IL34: variants seen among roughly 807,000 people sequenced by gnomAD.
IL34 encodes interleukin-34.
In IL34, 17 loss-of-function variants were observed where a neutral mutation model predicts 25.3. The ratio of observed to expected loss-of-function variants is 0.67; its 90% CI spans 0.46 to 1.01. The LOEUF is 1.01. Ranked by LOEUF, IL34 falls within the 50% of genes least tolerant of loss-of-function variation. IL34 has a pLI of 0.00. For missense variants in IL34, 368 were observed against 312.9 expected, an observed-to-expected ratio of 1.18 and a Z score of -1.33; for synonymous variants, 174 against 140.9, an observed-to-expected ratio of 1.23 and a Z score of -1.66.
upstream of IL34, among the ~76,000 whole-genome samples, chr16:70,644,485 A>G (rs1472348004): frequency 6.6e-6 from 1 of 152,086 alleles, no homozygotes; most frequent in Non-Finnish European, 1.5e-5. Flanking sequence ...GGGTAGATGG[A>G]AATGTTTTGT....
At chr16:70,614,393 C>T (rs1302015017) in intron 1 of IL34, among the ~76,000 whole-genome samples, 1 of 152,082 alleles carries the variant, frequency 6.6e-6, no homozygotes, top group East Asian at 1.9e-4. Flanking sequence ...TTCATGGGCC[C>T]CTGACCTACT....
chr16:70,627,490 C>G (rs1251044129), intron 1 of IL34, among the ~76,000 whole-genome samples: 10 of 118,180 alleles, frequency 8.5e-5, no homozygotes, highest in African/African-American at 6.2e-5. Context: ...CTTTTTCTTT[C>G]TCTTTCTTTG....
intron 2 of IL34, among the ~76,000 whole-genome samples, chr16:70,656,099 A>C (rs944331366): frequency 2.0e-5 from 3 of 152,114 alleles, no homozygotes; most frequent in Non-Finnish European, 4.4e-5. Flanking sequence ...CCTTAACAGG[A>C]ACTGTGTATT....
At chr16:70,641,101 G>A (rs550482353) in intron 1 of IL34, among the ~76,000 whole-genome samples, 4 of 147,398 alleles carry the variant, frequency 2.7e-5, no homozygotes, top group South Asian at 2.3e-4. Context: ...GTGAAATCCT[G>A]TCTCTACTAA....
chr16:70,584,998 G>A (rs1334901378), intron 1 of IL34, among the ~76,000 whole-genome samples: 1 of 152,082 alleles, frequency 6.6e-6, no homozygotes, highest in African/African-American at 2.4e-5. Flanking sequence ...ACTGTGCCCG[G>A]CCATCTTAAT....
intron 1 of IL34, 47 bp from the exon 2 acceptor site, chr16:70,654,491 G>T: frequency 1.3e-6 from 2 of 1,551,038 alleles, no homozygotes; most frequent in Non-Finnish European, 1.8e-6. Flanking sequence ...GGACGGCGTG[G>T]ATGAGATGGA....
At chr16:70,650,814 C>T (rs757963580) in intron 1 of IL34, among the ~76,000 whole-genome samples, 1 of 152,178 alleles carries the variant, frequency 6.6e-6, no homozygotes, top group African/African-American at 2.4e-5. Context: ...TGTGCCTTAA[C>T]GAGCTCTGCA....
At chr16:70,645,453 G>C (rs565589384), upstream of IL34, among the ~76,000 whole-genome samples, 259 of 152,174 alleles carry the variant, frequency 1.7e-3, no homozygotes, top group Non-Finnish European at 2.7e-3. Context: ...GGGAGGAGGC[G>C]AGGGGATGGA....
At chr16:70,617,534 G>A (rs1451801205) in intron 1 of IL34, among the ~76,000 whole-genome samples, 4 of 152,168 alleles carry the variant, frequency 2.6e-5, no homozygotes, top group Admixed American at 2.6e-4. Context: ...TGAGACTGGG[G>A]CCTAATAAAA....
chr16:70,647,148 G>A (rs373269031), intron 1 of IL34, among the ~76,000 whole-genome samples, 173 bp downstream of exon 1: 4 of 152,260 alleles, frequency 2.6e-5, no homozygotes, highest in African/African-American at 9.6e-5. Context: ...CCTGTCTGCC[G>A]CTCACTTCGG....
upstream of IL34, among the ~76,000 whole-genome samples, chr16:70,644,712 G>T (rs1292139581): frequency 7.1e-6 from 1 of 140,524 alleles, no homozygotes; most frequent in Non-Finnish European, 1.5e-5. Flanking sequence ...GAGGAGGAGG[G>T]GGAGGAGGAG....
intron 1 of IL34, among the ~76,000 whole-genome samples, chr16:70,637,006 A>C (rs1335027258): frequency 6.6e-6 from 1 of 151,584 alleles, no homozygotes; most frequent in Non-Finnish European, 1.5e-5. Context: ...CAGCCTCCCC[A>C]GTAGCTGGGA....
Position 70,659,610 on chromosome 16 carries a change from C to T in IL34, c.403-8C>T. 1 of 1,602,110 alleles carries T rather than the reference C, an allele frequency of 6.2e-7. No individual in the cohort carries two copies. Among genetic ancestry groups the T allele is most frequent in the South Asian group, 1.1e-5 (1 of 90,478 alleles). ...CGCCACCGCTCCTGACTGTTTCCTC[C>T]TTTCCAGGATGTGGAGGTCAGCCCC... On this transcript the variant is annotated splice_polypyrimidine_tract_variant and splice_region_variant and intron_variant, in intron 4 of 5. Transcript: ENST00000288098.
At chr16:70,641,540 C>G (rs1299621643) in intron 1 of IL34, among the ~76,000 whole-genome samples, 1 of 136,540 alleles carries the variant, frequency 7.3e-6, no homozygotes, top group Non-Finnish European at 1.5e-5. Flanking sequence ...TCCCTCCCTT[C>G]CTTCCTTCCT....
At chr16:70,602,582 G>GAT (rs1355074856) in intron 1 of IL34, among the ~76,000 whole-genome samples, 3 of 92,912 alleles carry the variant, frequency 3.2e-5, no homozygotes, top group African/African-American at 9.9e-5. Flanking sequence ...CTTTGGAATT[G>GAT]ATGTGTGTGT....
intron 1 of IL34, among the ~76,000 whole-genome samples, chr16:70,618,827 T>A (rs974458686): frequency 3.3e-5 from 5 of 152,074 alleles, no homozygotes; most frequent in African/African-American, 7.3e-5. Context: ...ATGGGGGCTG[T>A]CTGTGAAGCT....
chr16:70,634,931 G>A, intron 1 of IL34, among the ~76,000 whole-genome samples: 1 of 151,982 alleles, frequency 6.6e-6, no homozygotes, highest in East Asian at 1.9e-4. Context: ...TTTAATTTCA[G>A]AGTAATATTC....
intron 1 of IL34, among the ~76,000 whole-genome samples, chr16:70,601,396 C>A (rs1243373898): frequency 2.6e-5 from 4 of 152,034 alleles, no homozygotes; most frequent in Admixed American, 2.6e-4. Context: ...TGTGCCCCAC[C>A]AAGCCTAGCC....
intron 1 of IL34, among the ~76,000 whole-genome samples, chr16:70,630,815 C>T (rs2051502243): frequency 6.6e-6 from 1 of 152,052 alleles, no homozygotes; most frequent in Non-Finnish European, 1.5e-5. Flanking sequence ...TCAAGTGATC[C>T]TCTGGTCTCA....
Sources: gnomAD v4.1 joint callset for allele counts (sites outside exome capture counted in the v4.1 genomes callset) on GRCh38, gnomAD v4.1.1 for gene constraint, MANE v1.5 for transcripts, NCBI Gene and HGNC (gene_info 2026-07-23, HGNC 2026-07-21) for gene names.